The following ST6GALNAC3 variants were observed in gnomAD, a reference collection of about 807,000 sequenced individuals.
ST6GALNAC3 encodes the protein ST6 N-acetylgalactosaminide alpha-2,6-sialyltransferase 3, also known as alpha-N-acetylgalactosaminide alpha-2,6-sialyltransferase 3.
A neutral mutation model predicts 32.7 loss-of-function variants in ST6GALNAC3; 25 were observed. The observed-to-expected ratio is 0.76, with a 90% CI of 0.56 to 1.07. The LOEUF (loss-of-function observed/expected upper bound fraction) is 1.07, where lower values mean the gene tolerates loss of function less well. Ranked by LOEUF, ST6GALNAC3 falls within the 50% of genes least tolerant of loss-of-function variation. ST6GALNAC3 has a pLI of 0.00. For synonymous variants in ST6GALNAC3, 129 were observed against 133.1 expected, an observed-to-expected ratio of 0.97 and a Z score of 0.21; for missense variants, 355 against 382.4, an observed-to-expected ratio of 0.93 and a Z score of 0.60.
intron 1 of ST6GALNAC3, among the ~76,000 whole-genome samples, chr1:76,180,160 T>C (rs917412363): frequency 6.6e-6 from 1 of 152,246 alleles, no homozygotes; most frequent in Non-Finnish European, 1.5e-5. Flanking sequence ...TAGCACATAC[T>C]AGGTGTTCAG....
intron 1 of ST6GALNAC3, among the ~76,000 whole-genome samples, chr1:76,226,785 A>C (rs939239235): frequency 7.2e-5 from 11 of 152,118 alleles, no homozygotes; most frequent in African/African-American, 2.7e-4. Context: ...GGATGGTACT[A>C]AACTATTCAG....
chr1:76,609,723 C>T (rs749816026), intron 3 of ST6GALNAC3, among the ~76,000 whole-genome samples: 1 of 152,104 alleles, frequency 6.6e-6, no homozygotes, highest in Non-Finnish European at 1.5e-5. Context: ...ACTGAGAAGT[C>T]CAGTAGTGAA....
chr1:76,322,948 C>T (rs1417419916), intron 2 of ST6GALNAC3, among the ~76,000 whole-genome samples: 4 of 152,182 alleles, frequency 2.6e-5, no homozygotes, highest in Non-Finnish European at 5.9e-5. Flanking sequence ...TCAAGCGATT[C>T]TCCTGCCTCA....
At chr1:76,362,447 A>C (rs1650038645) in intron 2 of ST6GALNAC3, among the ~76,000 whole-genome samples, 1 of 152,122 alleles carries the variant, frequency 6.6e-6, no homozygotes, top group African/African-American at 2.4e-5. Flanking sequence ...GAAAAATACA[A>C]CCATCCTGTC....
chr1:76,087,984 TTGTC>T (rs768975052), intron 1 of ST6GALNAC3, among the ~76,000 whole-genome samples: 54 of 152,352 alleles, frequency 3.5e-4, no homozygotes, highest in African/African-American at 1.2e-3. Flanking sequence ...CTTAAGTTCT[TTGTC>T]TGAGGTCATG....
chr1:76,610,623 C>A (rs2100665285), intron 3 of ST6GALNAC3, among the ~76,000 whole-genome samples: 1 of 152,202 alleles, frequency 6.6e-6, no homozygotes, highest in Middle Eastern at 3.4e-3. Context: ...GAGTATCGAT[C>A]CTGTTTTAAA....
At chr1:76,094,491 A>G (rs1647096523) in intron 1 of ST6GALNAC3, among the ~76,000 whole-genome samples, 1 of 152,180 alleles carries the variant, frequency 6.6e-6, no homozygotes, top group African/African-American at 2.4e-5. Flanking sequence ...TCATTTTACA[A>G]AGAAGAAAAC....
intron 3 of ST6GALNAC3, among the ~76,000 whole-genome samples, chr1:76,455,878 G>T (rs921969923): frequency 4.6e-5 from 7 of 152,112 alleles, no homozygotes; most frequent in South Asian, 2.1e-4. Context: ...GGAATTGAAA[G>T]AATTATTTAT....
chr1:76,226,146 A>C (rs1377338090), intron 1 of ST6GALNAC3, among the ~76,000 whole-genome samples: 2 of 152,164 alleles, frequency 1.3e-5, no homozygotes, highest in East Asian at 3.8e-4. Flanking sequence ...GGTATAAAAC[A>C]CCACGCTCAG....
At chr1:76,138,253 C>T (rs1321691219) in intron 1 of ST6GALNAC3, among the ~76,000 whole-genome samples, 2 of 152,154 alleles carry the variant, frequency 1.3e-5, no homozygotes, top group Non-Finnish European at 2.9e-5. Flanking sequence ...GGAGGGGAGA[C>T]ATCTGGTCCT....
chr1:76,209,503 C>T (rs1655019717), intron 1 of ST6GALNAC3, among the ~76,000 whole-genome samples: 1 of 152,188 alleles, frequency 6.6e-6, no homozygotes, highest in Non-Finnish European at 1.5e-5. Flanking sequence ...TCCTAATACA[C>T]ACAAAGGTAT....
chr1:76,370,760 T>C (rs1233716207), intron 2 of ST6GALNAC3, among the ~76,000 whole-genome samples: 1 of 152,038 alleles, frequency 6.6e-6, no homozygotes, highest in Non-Finnish European at 1.5e-5. Flanking sequence ...TTTTTGGAGT[T>C]TATTTTCCCA....
intron 3 of ST6GALNAC3, among the ~76,000 whole-genome samples, chr1:76,414,531 C>A (rs1252484555): frequency 6.6e-6 from 1 of 152,052 alleles, no homozygotes; most frequent in Non-Finnish European, 1.5e-5. Flanking sequence ...TTTCCCATGA[C>A]AATCTGATAT....
At chr1:76,336,746 C>T (rs1647509300) in intron 2 of ST6GALNAC3, among the ~76,000 whole-genome samples, 1 of 152,150 alleles carries the variant, frequency 6.6e-6, no homozygotes, top group Non-Finnish European at 1.5e-5. Context: ...TTATCCCCCA[C>T]TCATTTGATG....
At chr1:76,248,371 C>T (rs751444851) in intron 1 of ST6GALNAC3, among the ~76,000 whole-genome samples, 2 of 152,212 alleles carry the variant, frequency 1.3e-5, no homozygotes, top group Non-Finnish European at 2.9e-5. Context: ...ATATCACCAT[C>T]TCCCTAAGTA....
At chr1:76,096,936 T>C (rs1450850785) in intron 1 of ST6GALNAC3, among the ~76,000 whole-genome samples, 4 of 151,076 alleles carry the variant, frequency 2.6e-5, no homozygotes, top group African/African-American at 9.7e-5. Flanking sequence ...TTTTTTTTTT[T>C]GAGACAGAGT....
At chr1:76,209,025 C>A (rs755626295) in intron 1 of ST6GALNAC3, among the ~76,000 whole-genome samples, 1 of 152,140 alleles carries the variant, frequency 6.6e-6, no homozygotes, top group Non-Finnish European at 1.5e-5. Context: ...CCTGTCAAAG[C>A]TTTTGTGTCT....
intron 1 of ST6GALNAC3, among the ~76,000 whole-genome samples, chr1:76,243,279 C>T (rs523756): frequency 0.16 from 24,759 of 151,994 alleles, 2,625 homozygotes; most frequent in Non-Finnish European, 0.24. Flanking sequence ...TCATATCCTT[C>T]GCCCACTTTT....
Position 76,284,820 on chromosome 1 carries a change from C to T in ST6GALNAC3, c.19-28985C>T, listed in dbSNP as rs1659688618. Among the ~76,000 whole-genome samples the T allele has an allele frequency of 2.0e-5, 3 of 152,190 alleles. No individual in the cohort carries two copies. In the South Asian group the frequency reaches 6.2e-4, roughly 32 times the overall value. On this transcript the variant is annotated intron_variant, in intron 1 of 4. Transcript: ENST00000328299. ...AGGTGATCAAATCCAGTTGAACTTG[C>T]TTCACACCATATGCCATTGTCCTTC... is the stretch of plus-strand genomic sequence containing the variant.
Sources: allele counts gnomAD v4.1 joint callset (sites outside exome capture counted in the v4.1 genomes callset), GRCh38; gene constraint gnomAD v4.1.1; transcripts MANE v1.5; gene names NCBI Gene and HGNC (gene_info 2026-07-23, HGNC 2026-07-21).